Variants in CASK observed in about 807,000 individuals in gnomAD.
CASK encodes peripheral plasma membrane protein CASK.
A neutral mutation model predicts 82.9 loss-of-function variants in CASK; 4 were observed. The observed-to-expected ratio is 0.05, with a 90% confidence interval of 0.02 to 0.11. The LOEUF (loss-of-function observed/expected upper bound fraction) is 0.11. CASK is among the 10% of genes least tolerant of loss of function. The pLI, the probability that CASK is intolerant of heterozygous loss-of-function variation, is 1.00. For missense variants in CASK, 358 were observed against 720.9 expected, an observed-to-expected ratio of 0.50 and a Z score of 5.76; for synonymous variants, 259 against 253.5, an observed-to-expected ratio of 1.02 and a Z score of -0.20.
At chrX:41,859,941 T>C (rs2071445883) in intron 1 of CASK, among the ~76,000 whole-genome samples, 1 of 111,478 alleles carries the variant, frequency 9.0e-6, no homozygotes, top group Admixed American at 9.6e-5. Flanking sequence ...AGAACACAAC[T>C]ACCATGAATA....
At chrX:41,835,999 T>G (rs2070919687) in intron 2 of CASK, among the ~76,000 whole-genome samples, 1 of 111,790 alleles carries the variant, frequency 8.9e-6, no homozygotes, top group Admixed American at 9.5e-5. Context: ...GTATTTAAAA[T>G]TGACTCTCAT....
At chrX:41,793,499 T>C (rs1409262193) in intron 2 of CASK, among the ~76,000 whole-genome samples, 4 of 112,074 alleles carry the variant, frequency 3.6e-5, no homozygotes, top group Non-Finnish European at 5.6e-5. Context: ...TTCAGCTGCA[T>C]TGTAACTAGT....
intron 3 of CASK, among the ~76,000 whole-genome samples, chrX:41,755,099 G>T (rs1402439262): frequency 9.1e-6 from 1 of 110,445 alleles, no homozygotes; most frequent in African/African-American, 3.3e-5. Flanking sequence ...GGATGGTCTT[G>T]ATTTCTTGAC....
chrX:41,733,432 G>A (rs995915489), intron 5 of CASK, among the ~76,000 whole-genome samples: 2 of 111,538 alleles, frequency 1.8e-5, no homozygotes, highest in African/African-American at 3.3e-5. Context: ...AAATGCAGAA[G>A]ATTAACCAAT....
intron 2 of CASK, among the ~76,000 whole-genome samples, chrX:41,807,699 G>A (rs1321547256): frequency 1.8e-5 from 2 of 110,787 alleles, no homozygotes; most frequent in African/African-American, 6.6e-5. Flanking sequence ...TTGCAGAAGG[G>A]CAACCAAGCA....
chrX:41,661,685 C>G (rs968931779), intron 7 of CASK, among the ~76,000 whole-genome samples: 1 of 109,337 alleles, frequency 9.1e-6, no homozygotes, highest in Non-Finnish European at 1.9e-5. Context: ...ATTTTTCCCC[C>G]CAACAGGCAG....
At chrX:41,790,121 T>C in intron 2 of CASK, 1 of 692,225 alleles carries the variant, frequency 1.4e-6, no homozygotes, top group Non-Finnish European at 1.9e-6. Context: ...AGTAGAGACT[T>C]TTTTTTTTCT....
intron 2 of CASK, among the ~76,000 whole-genome samples, chrX:41,838,774 T>C (rs764423372): frequency 8.1e-5 from 9 of 111,379 alleles, no homozygotes; most frequent in Non-Finnish European, 1.5e-4. Flanking sequence ...AAAAAAGCTA[T>C]GTAGCTTTAT....
At chrX:41,642,971 C>G (rs1225921223) in intron 8 of CASK, among the ~76,000 whole-genome samples, 12 of 110,419 alleles carry the variant, frequency 1.1e-4, no homozygotes, top group South Asian at 3.8e-4. Flanking sequence ...CATATGGCTA[C>G]CCAGTTTTCC....
intron 1 of CASK, among the ~76,000 whole-genome samples, chrX:41,860,680 G>A (rs770506996): frequency 9.0e-6 from 1 of 111,691 alleles, no homozygotes; most frequent in Non-Finnish European, 1.9e-5. Flanking sequence ...AACACTTCTG[G>A]TACCCATCCC....
At chrX:41,754,720 T>C (rs2068858970) in intron 3 of CASK, among the ~76,000 whole-genome samples, 1 of 110,840 alleles carries the variant, frequency 9.0e-6, no homozygotes, top group African/African-American at 3.3e-5. Context: ...AATTTAAAAA[T>C]GTATATGAAA....
intron 8 of CASK, among the ~76,000 whole-genome samples, chrX:41,637,446 G>A (rs2066577106): frequency 2.8e-5 from 2 of 71,542 alleles, no homozygotes; most frequent in African/African-American, 5.9e-5. Flanking sequence ...AGGCTAGAGT[G>A]TAGTGGGCTG....
Position 41,516,203 on chromosome X carries a change from C to T in CASK, c.*4217G>A, listed in dbSNP as rs1336358494. The stretch of plus-strand genomic sequence containing the variant: ...GGATGGGAACATGGTGGTGAATATC[C>T]TCTTTTTTTCCCTTTTCCCCCACTT... On this transcript the variant is annotated 3_prime_UTR_variant, in exon 27 of 27. Transcript: ENST00000378163. The T allele has an allele frequency of 1.8e-5, 2 of 112,246 alleles. No individual in the cohort carries two copies. The highest frequency in any genetic ancestry group is 6.5e-5 in the African/African-American group (2 of 30,756). 9.3% of individuals were successfully genotyped at this position (112,246 alleles called of 1,213,427 possible). A position where few individuals can be genotyped will look rare whatever the true frequency, so the allele number is the denominator to read the frequency against.
intron 9 of CASK, among the ~76,000 whole-genome samples, chrX:41,631,750 C>T (rs925467001): frequency 1.6e-4 from 18 of 110,766 alleles, no homozygotes; most frequent in African/African-American, 4.3e-4. Flanking sequence ...GGATTATAGG[C>T]GTGAGCCACC....
At chrX:41,583,337 T>A (rs149974440) in intron 14 of CASK, among the ~76,000 whole-genome samples, 1 of 112,342 alleles carries the variant, frequency 8.9e-6, no homozygotes, top group Non-Finnish European at 1.9e-5. Flanking sequence ...TTAGCTTACT[T>A]CAAATCTGAA....
At chrX:41,834,212 C>A (rs1369490459) in intron 2 of CASK, among the ~76,000 whole-genome samples, 1 of 111,417 alleles carries the variant, frequency 9.0e-6, no homozygotes, top group African/African-American at 3.3e-5. Context: ...TTGTTTGGCG[C>A]CCTGGAGATT....
intron 16 of CASK, 185 bp from the exon 17 acceptor site, chrX:41,561,829 T>A: frequency 2.4e-6 from 1 of 418,434 alleles, no homozygotes; most frequent in Non-Finnish European, 4.2e-6. Context: ...AAAACAGATA[T>A]ATCTACTTGT....
At chrX:41,921,869 CAAAAAAA>C (rs11298104) in intron 1 of CASK, among the ~76,000 whole-genome samples, 1 of 39,749 alleles carries the variant, frequency 2.5e-5, no homozygotes, top group African/African-American at 1.0e-4. Flanking sequence ...GCACCGCTTC[CAAAAAAA>C]AAAAAAAAAA....
At position 41,762,072 on chromosome X, in the gene CASK, G is replaced by C. The variant is rs1301686027; in HGVS notation, c.279-16471C>G. On this transcript the variant is annotated intron_variant, in intron 3 of 26. Transcript: ENST00000378163. Reference sequence around the variant, plus strand: ...ATCCTCATAAAAACACTAGGAGACAGGTACTATTTCACAGATGAGGAAATT... The same window carrying C: ...ATCCTCATAAAAACACTAGGAGACACGTACTATTTCACAGATGAGGAAATT... 2.7e-5 allele frequency among the ~76,000 whole-genome samples: 3 copies of C among 111,811 alleles called. No individual in the cohort carries two copies. In the East Asian group the frequency reaches 8.4e-4, roughly 31 times the overall value.
Sources: allele counts gnomAD v4.1 joint callset (sites outside exome capture counted in the v4.1 genomes callset), GRCh38; gene constraint gnomAD v4.1.1; transcripts MANE v1.5; gene names NCBI Gene and HGNC (gene_info 2026-07-23, HGNC 2026-07-21).